TANC1: variants seen among roughly 807,000 people sequenced by gnomAD.
TANC1 encodes the protein tetratricopeptide repeat, ankyrin repeat and coiled-coil containing 1.
Under a neutral mutation model 149.7 loss-of-function variants are expected in TANC1, and 77 were observed. The observed-to-expected ratio is 0.51, with a 90% CI of 0.43 to 0.62. The LOEUF is 0.62. TANC1 is among the 20% of genes least tolerant of loss of function. TANC1 has a pLI of 0.00. For missense variants in TANC1, 1,985 were observed against 2,321.8 expected, an observed-to-expected ratio of 0.85 and a Z score of 2.98; for synonymous variants, 854 against 925.0, an observed-to-expected ratio of 0.92 and a Z score of 1.39.
At chr2:159,159,939 T>G (rs189341975) in intron 7 of TANC1, among the ~76,000 whole-genome samples, 1 of 152,062 alleles carries the variant, frequency 6.6e-6, no homozygotes, top group African/African-American at 2.4e-5. Flanking sequence ...GAGGACTGAT[T>G]GAGGCCAGGA....
chr2:159,046,076 A>G (rs2041016252), intron 2 of TANC1, among the ~76,000 whole-genome samples: 1 of 152,190 alleles, frequency 6.6e-6, no homozygotes, highest in Non-Finnish European at 1.5e-5. Flanking sequence ...GAGATTTATC[A>G]GAAAGGAAAT....
intron 2 of TANC1, among the ~76,000 whole-genome samples, chr2:159,005,054 G>A (rs547955629): frequency 9.2e-5 from 14 of 152,306 alleles, no homozygotes; most frequent in African/African-American, 2.6e-4. Context: ...TCCTTAAGGC[G>A]CAGATCACTC....
At chr2:158,992,216 TAGATGG>T (rs2035699760) in intron 1 of TANC1, among the ~76,000 whole-genome samples, 1 of 151,710 alleles carries the variant, frequency 6.6e-6, no homozygotes, top group Admixed American at 6.6e-5. Context: ...ATACAAAAAT[TAGATGG>T]GCATGGTGGT....
chr2:159,004,915 T>A (rs972065193), intron 2 of TANC1, among the ~76,000 whole-genome samples: 2 of 152,172 alleles, frequency 1.3e-5, no homozygotes, highest in African/African-American at 4.8e-5. Context: ...ACATATTTAT[T>A]GACAGCAAGC....
intron 2 of TANC1, among the ~76,000 whole-genome samples, chr2:159,035,588 C>T (rs2040124508): frequency 1.3e-5 from 2 of 152,206 alleles, no homozygotes; most frequent in South Asian, 4.1e-4. Flanking sequence ...ACCTCTCAAA[C>T]ACCACTCAGT....
intron 2 of TANC1, among the ~76,000 whole-genome samples, chr2:159,039,697 T>TAA (rs2040477323): frequency 2.0e-5 from 3 of 152,244 alleles, no homozygotes; most frequent in Non-Finnish European, 4.4e-5. Flanking sequence ...CTAATTTGAT[T>TAA]GCACTATGGT....
intron 3 of TANC1, among the ~76,000 whole-genome samples, chr2:159,076,888 G>A (rs1004093275): frequency 2.0e-5 from 3 of 152,024 alleles, no homozygotes; most frequent in Non-Finnish European, 2.9e-5. Context: ...AAACATAAAG[G>A]AAAACATATC....
intron 1 of TANC1, among the ~76,000 whole-genome samples, chr2:158,973,950 T>G (rs1030165739): frequency 6.6e-6 from 1 of 152,216 alleles, no homozygotes; most frequent in African/African-American, 2.4e-5. Context: ...CTCCCCTCTC[T>G]CTGCCATGCT....
intron 19 of TANC1, among the ~76,000 whole-genome samples, chr2:159,211,019 T>A (rs2058950669): frequency 6.6e-6 from 1 of 152,048 alleles, no homozygotes; most frequent in African/African-American, 2.4e-5. Context: ...TATAGGCGCG[T>A]GCCACCACTC....
chr2:159,159,439 C>CA (rs34576502), intron 7 of TANC1, among the ~76,000 whole-genome samples: 4,846 of 92,762 alleles, frequency 0.052, 107 homozygotes, highest in African/African-American at 0.11. Flanking sequence ...GACCCTGTCT[C>CA]AAAAAAAAAA....
At chr2:159,219,027 T>C (rs1439458910) in intron 20 of TANC1, among the ~76,000 whole-genome samples, 1 of 152,228 alleles carries the variant, frequency 6.6e-6, no homozygotes, top group Non-Finnish European at 1.5e-5. Flanking sequence ...CAGCAATGAA[T>C]TGGGCATGTT....
intron 14 of TANC1, among the ~76,000 whole-genome samples, chr2:159,184,058 C>G (rs753743461): frequency 6.6e-6 from 1 of 152,212 alleles, no homozygotes; most frequent in Admixed American, 6.5e-5. Context: ...GTCTGACCAA[C>G]TTTAGTTCAA....
At chr2:159,207,472 C>T (rs1055156288) in intron 19 of TANC1, among the ~76,000 whole-genome samples, 7 of 152,000 alleles carry the variant, frequency 4.6e-5, no homozygotes, top group Non-Finnish European at 5.9e-5. Context: ...GAGACTGAGG[C>T]GGGTGGATCA....
intron 12 of TANC1, among the ~76,000 whole-genome samples, chr2:159,175,427 A>G (rs1002757472): frequency 6.6e-6 from 1 of 152,214 alleles, no homozygotes; most frequent in Non-Finnish European, 1.5e-5. Context: ...GTGATGACTG[A>G]GCAGTTCCAA....
chr2:159,140,670 C>G (rs1022689991), intron 5 of TANC1, among the ~76,000 whole-genome samples: 2 of 148,280 alleles, frequency 1.3e-5, no homozygotes, highest in African/African-American at 5.0e-5. Flanking sequence ...AGGAGTTCAG[C>G]AGATGGAGAT....
intron 4 of TANC1, among the ~76,000 whole-genome samples, chr2:159,110,100 G>C (rs2047577387): frequency 6.6e-6 from 1 of 152,154 alleles, no homozygotes; most frequent in South Asian, 2.1e-4. Context: ...AGATGAAAAA[G>C]GCATTCCATT....
At chr2:159,212,782 G>A (rs545528549) in intron 19 of TANC1, among the ~76,000 whole-genome samples, 10 of 152,048 alleles carry the variant, frequency 6.6e-5, no homozygotes, top group Admixed American at 1.3e-4. Flanking sequence ...TTAGCCAGGC[G>A]TGGTGGCACA....
intron 19 of TANC1, among the ~76,000 whole-genome samples, chr2:159,209,214 C>G (rs1007773479): frequency 6.6e-6 from 1 of 152,108 alleles, no homozygotes; most frequent in African/African-American, 2.4e-5. Context: ...GTGTTTGTCT[C>G]CCAGTGCAAG....
intron 2 of TANC1, among the ~76,000 whole-genome samples, chr2:159,016,843 G>A (rs2038331829): frequency 1.3e-5 from 2 of 151,974 alleles, no homozygotes; most frequent in African/African-American, 4.8e-5. Context: ...CAAAGTGCTG[G>A]GATTACAGGT....
Sources: allele counts gnomAD v4.1 joint callset (sites outside exome capture counted in the v4.1 genomes callset), GRCh38; gene constraint gnomAD v4.1.1; transcripts MANE v1.5; gene names NCBI Gene and HGNC (gene_info 2026-07-23, HGNC 2026-07-21).